The following GNA12 variants were observed in gnomAD, a reference collection of about 807,000 sequenced individuals.
GNA12 encodes G protein subunit alpha 12, also known as guanine nucleotide-binding protein subunit alpha-12.
Under a neutral mutation model 26.0 loss-of-function variants are expected in GNA12, and 9 were observed. That is an observed-to-expected ratio of 0.35 (90% CI 0.21 to 0.60). GNA12 has a LOEUF of 0.60. Ranked by LOEUF, GNA12 falls within the 20% of genes least tolerant of loss-of-function variation. The pLI is 0.78. For missense variants in GNA12, 405 were observed against 525.8 expected (o/e 0.77, Z 2.25); for synonymous variants, 264 against 219.6 (o/e 1.20, Z -1.79).
Position 2,812,043 on chromosome 7 carries a change from C to A in GNA12, c.310-16900G>T, listed in dbSNP as rs536231834. Among the ~76,000 whole-genome samples the A allele has an allele frequency of 3.3e-5, 5 of 152,378 alleles. No homozygotes were observed. In the East Asian group the frequency reaches 9.6e-4, roughly 29 times the overall value. ...AAGGGGCTGTAAGTACTCAAGAGAA[C>A]CCGCGTTTCACGCGACTCCTCTCCA... On this transcript the variant is annotated intron_variant, in intron 1 of 3. Transcript: ENST00000275364.
chr7:2,771,172 T>C (rs1367922787), intron 2 of GNA12, among the ~76,000 whole-genome samples: 1 of 151,842 alleles, frequency 6.6e-6, no homozygotes, highest in African/African-American at 2.4e-5. Flanking sequence ...GCACCTATAA[T>C]CCCAGCTACT....
Position 2,745,210 on chromosome 7 carries a change from A to G in GNA12, c.526-11709T>C, listed in dbSNP as rs146214254. ...CTTGAGAAAGGCAACTCCAAGACAC[A>G]TAATTGTCAGATTCACCAAAGTTGA... On this transcript the variant is annotated intron_variant, in intron 2 of 3. Coordinates refer to ENST00000275364, the MANE Select transcript of GNA12 (RefSeq NM_007353.3). 2.7e-3 allele frequency among the ~76,000 whole-genome samples: 410 copies of G among 152,348 alleles called. 2 individuals carry two copies. Among genetic ancestry groups the G allele is most frequent in the African/African-American group, 9.5e-3 (394 of 41,588 alleles).
chr7:2,735,985 T>C (rs139457896), intron 2 of GNA12, among the ~76,000 whole-genome samples: 32 of 152,272 alleles, frequency 2.1e-4, no homozygotes, highest in Middle Eastern at 3.4e-3. Context: ...TTTGGTGCAC[T>C]GCGGTTCACC....
chr7:2,755,181 C>G (rs990344842), intron 2 of GNA12, among the ~76,000 whole-genome samples: 3 of 152,180 alleles, frequency 2.0e-5, no homozygotes, highest in Admixed American at 6.5e-5. Flanking sequence ...AGACAACAGG[C>G]CTTGGAATCA....
rs1247073410 is a variant in GNA12 at position 2,844,307 on chromosome 7, A to G, written c.-146T>C. ...CGCCGCCGCCGCTGCAGTCGCTCCG[A>G]GGCCCGCACTCGTCGCCCGGCCGCC... On this transcript the variant is annotated 5_prime_UTR_variant, in exon 1 of 4. Transcript: ENST00000275364. The G allele has an allele frequency of 4.1e-6, 1 of 245,552 alleles. No individual in the cohort carries two copies. Among genetic ancestry groups the G allele is most frequent in the Non-Finnish European group, 6.5e-6 (1 of 154,578 alleles). The allele number at this position is 245,552 out of a possible 1,614,324, so 15.2% of individuals were successfully genotyped here.
intron 1 of GNA12, among the ~76,000 whole-genome samples, chr7:2,838,936 A>G (rs1461797932): frequency 2.0e-5 from 3 of 152,224 alleles, no homozygotes; most frequent in South Asian, 4.1e-4. Context: ...CAAATCCACA[A>G]TTATAGTTGA....
At chr7:2,763,159 C>G in intron 2 of GNA12, 1 of 1,168,340 alleles carries the variant, frequency 8.6e-7, no homozygotes, top group Non-Finnish European at 1.1e-6. Context: ...ATTCTGCTGA[C>G]AAGAGGTTAG....
chr7:2,739,081 G>A (rs541819214), intron 2 of GNA12, among the ~76,000 whole-genome samples: 5 of 152,280 alleles, frequency 3.3e-5, no homozygotes, highest in East Asian at 3.9e-4. Context: ...GTGTGTCCTC[G>A]GCGTGTGCAG....
At chr7:2,843,437 G>A (rs2644300) in intron 1 of GNA12, among the ~76,000 whole-genome samples, 39,784 of 150,934 alleles carry the variant, frequency 0.26, 5,587 homozygotes, top group East Asian at 0.34. Flanking sequence ...TTGAGGCCAG[G>A]AGACTGAGAC....
chr7:2,762,648 G>T (rs781764494), intron 2 of GNA12: 56 of 1,597,668 alleles, frequency 3.5e-5, no homozygotes, highest in Non-Finnish European at 4.5e-5. Flanking sequence ...GCACAGAGCG[G>T]CAGGACGATG....
Position 2,768,525 on chromosome 7 carries a change from A to ATAT in GNA12, c.525+26402_525+26403insATA, listed in dbSNP as rs111227949. 4.9e-3 allele frequency among the ~76,000 whole-genome samples: 740 copies of ATAT among 151,256 alleles called. 3 individuals carry two copies. The highest frequency in any genetic ancestry group is 0.017 in the African/African-American group (681 of 40,624). Reference sequence around the variant, plus strand: ...CTGAGACATGCCCTTAAAATCATGGATGTAACACTCAGGAAAACAAAGGTT... The same window carrying ATAT: ...CTGAGACATGCCCTTAAAATCATGGATATTGTAACACTCAGGAAAACAAAGGTT... On this transcript the variant is annotated intron_variant, in intron 2 of 3. Coordinates refer to ENST00000275364, the MANE Select transcript of GNA12 (RefSeq NM_007353.3).
chr7:2,794,728 C>T (rs757118368), intron 2 of GNA12, 200 bp downstream of exon 2: 5 of 594,854 alleles, frequency 8.4e-6, no homozygotes, highest in South Asian at 2.0e-5. Context: ...ACCTGAGTGG[C>T]TCTTGCTCCT....
intron 2 of GNA12, among the ~76,000 whole-genome samples, chr7:2,763,856 C>G (rs1320515054): frequency 6.6e-6 from 1 of 152,208 alleles, no homozygotes; most frequent in Non-Finnish European, 1.5e-5. Flanking sequence ...GCCTCCATGG[C>G]TGGCAGAGAG....
chr7:2,811,238 G>C (rs1236779377), intron 1 of GNA12, among the ~76,000 whole-genome samples: 2 of 151,438 alleles, frequency 1.3e-5, no homozygotes, highest in Non-Finnish European at 3.0e-5. Context: ...GCTGACTTCT[G>C]TGCACAACAT....
intron 2 of GNA12, among the ~76,000 whole-genome samples, chr7:2,784,803 C>T (rs1334718427): frequency 6.6e-6 from 1 of 152,114 alleles, no homozygotes; most frequent in Admixed American, 6.5e-5. Context: ...GCAATTTTCC[C>T]CAAATTTGTC....
chr7:2,745,468 C>T (rs1583226543), intron 2 of GNA12, among the ~76,000 whole-genome samples: 1 of 152,144 alleles, frequency 6.6e-6, no homozygotes, highest in East Asian at 1.9e-4. Flanking sequence ...CAAGCAAATG[C>T]TGAGAGATTT....
intron 2 of GNA12, among the ~76,000 whole-genome samples, chr7:2,793,512 A>C (rs192738642): frequency 7.4e-4 from 113 of 152,274 alleles, no homozygotes; most frequent in African/African-American, 2.6e-3. Context: ...AACTGAGGGG[A>C]CTATTAGCAG....
intron 2 of GNA12, chr7:2,762,860 C>A: frequency 6.8e-7 from 1 of 1,468,732 alleles, no homozygotes; most frequent in Non-Finnish European, 9.1e-7. Flanking sequence ...CAGGAGAGGG[C>A]CAGCTCCGAG....
chr7:2,818,598 A>G (rs950877638), intron 1 of GNA12, among the ~76,000 whole-genome samples: 1 of 152,168 alleles, frequency 6.6e-6, no homozygotes, highest in Non-Finnish European at 1.5e-5. Context: ...CCCCGACTCT[A>G]ATAAAAATAC....
Sources: allele counts gnomAD v4.1 joint callset (sites outside exome capture counted in the v4.1 genomes callset), GRCh38; gene constraint gnomAD v4.1.1; transcripts MANE v1.5; gene names NCBI Gene and HGNC (gene_info 2026-07-23, HGNC 2026-07-21).